Variants in SLC15A4 observed in about 807,000 individuals in gnomAD.
The protein encoded by SLC15A4 is hPHT1.
A neutral mutation model predicts 46.1 loss-of-function variants in SLC15A4; 26 were observed. The ratio of observed to expected loss-of-function variants is 0.56; its 90% CI spans 0.41 to 0.78. The LOEUF (loss-of-function observed/expected upper bound fraction) is 0.78. Ranked by LOEUF, SLC15A4 falls within the 30% of genes least tolerant of loss-of-function variation. The pLI, the probability that SLC15A4 is intolerant of heterozygous loss-of-function variation, is 0.00. For missense variants in SLC15A4, 751 were observed against 755.7 expected, an observed-to-expected ratio of 0.99 and a Z score of 0.07; for synonymous variants, 370 against 333.4, an observed-to-expected ratio of 1.11 and a Z score of -1.20.
At chr12:128,801,162 C>A in intron 5 of SLC15A4, 153 bp from the exon 6 acceptor site, 1 of 674,116 alleles carries the variant, frequency 1.5e-6, no homozygotes, top group Admixed American at 3.4e-5. Context: ...GACTAATAGG[C>A]CCCCAGCCTT....
At chr12:128,814,735 A>C (rs1019930753) in intron 2 of SLC15A4, 40 bp downstream of exon 2, 2 of 1,596,762 alleles carry the variant, frequency 1.3e-6, no homozygotes, top group East Asian at 2.2e-5. Context: ...AGATCGATAA[A>C]GTCCTTTCAA....
rs191442062 is a variant in SLC15A4 at position 128,804,857 on chromosome 12, T to G, written c.1259-3848A>C. Among the ~76,000 whole-genome samples, 4 of 152,336 alleles carry G rather than the reference T, an allele frequency of 2.6e-5. No homozygotes were observed. The East Asian group carries it at 7.7e-4, about 29-fold the overall frequency. ...TTATTGTCCCCTTAAAATATTCTCC[T>G]GCCTACAGAGAAAAAGAGAGTACAC... is the stretch of plus-strand genomic sequence containing the variant. On this transcript the variant is annotated intron_variant, in intron 5 of 7. Coordinates refer to ENST00000266771, the MANE Select transcript of SLC15A4 (RefSeq NM_145648.4).
intron 1 of SLC15A4, among the ~76,000 whole-genome samples, chr12:128,822,317 C>A (rs1020012253): frequency 1.3e-5 from 2 of 152,186 alleles, no homozygotes; most frequent in Non-Finnish European, 2.9e-5. Flanking sequence ...CAACCTAGCC[C>A]GTAACTCCTT....
At chr12:128,798,525 T>C (rs1955475260) in intron 7 of SLC15A4, among the ~76,000 whole-genome samples, 1 of 152,224 alleles carries the variant, frequency 6.6e-6, no homozygotes, top group South Asian at 2.1e-4. Context: ...AGGGGATTTG[T>C]AACCTAAAAG....
At position 128,823,504 on chromosome 12, in the gene SLC15A4, T is replaced by G. The variant is rs1003148483; in HGVS notation, c.440A>C (p.Asp147Ala). 2.3e-5 allele frequency: 34 copies of G among 1,484,344 alleles called. No homozygotes were observed. Among genetic ancestry groups the G allele is most frequent in the African/African-American group, 1.0e-4 (7 of 68,246 alleles). The allele number at this position is 1,484,344 out of a possible 1,614,324, so 91.9% of individuals were successfully genotyped here. A position where few individuals can be genotyped will look rare whatever the true frequency, so the allele number is the denominator to read the frequency against. ...CGGTGAGCAGCAGCGGGCGGCGGCG[T>G]CGGGACCAGGCGCCGTGCAGTTGAG... is the stretch of plus-strand genomic sequence containing the variant. ...RLLNCTAPGP[D>A]AAARCCSPAT... Residue 147 changes from aspartate (D) to alanine (A), a missense_variant, in exon 1 of 8, where the codon GAC (aspartate) becomes GCC (alanine). By Grantham distance (126) the Asp-to-Ala change is moderately radical. Coordinates refer to ENST00000266771, the MANE Select transcript of SLC15A4 (RefSeq NM_145648.4).
In SLC15A4 at chr12:128,800,415, C is replaced by T. The variant is rs150783505; in HGVS notation, c.1414+439G>A. Among the ~76,000 whole-genome samples, 358 of 152,296 alleles carry T rather than the reference C, an allele frequency of 2.4e-3. 2 individuals are homozygous for T. The highest frequency in any genetic ancestry group is 8.1e-3 in the African/African-American group (335 of 41,558). On this transcript the variant is annotated intron_variant, in intron 6 of 7. Coordinates refer to ENST00000266771, the MANE Select transcript of SLC15A4 (RefSeq NM_145648.4). Reference sequence around the variant, plus strand: ...ATCTGCCCAGAATACACTTGTTCAACCACTGCAGGATCTCACTAATAGGAA... The same window carrying T: ...ATCTGCCCAGAATACACTTGTTCAATCACTGCAGGATCTCACTAATAGGAA...
At chr12:128,802,289 A>C (rs1347599166) in intron 5 of SLC15A4, among the ~76,000 whole-genome samples, 1 of 152,208 alleles carries the variant, frequency 6.6e-6, no homozygotes, top group Non-Finnish European at 1.5e-5. Flanking sequence ...TCCTCCCGAC[A>C]GGGCAGCTGA....
At position 128,794,332 on chromosome 12, in the gene SLC15A4, T is replaced by C. The variant is rs751098412; in HGVS notation, c.1598A>G (p.Asn533Ser). The change falls in exon 8 of 8, where the codon AAC becomes AGC. Residue 533 changes from asparagine to serine, a missense_variant. Transcript: ENST00000266771. Reference protein sequence around the residue: ...DFGNINGCYLNYYFFLLAAIQ... With the variant: ...DFGNINGCYLSYYFFLLAAIQ... ...AGCAGCCAGAAGAAAAAAGTAATAG[T>C]TCAAATAGCAGCCGTTAATATTACC... 6.2e-7 allele frequency: 1 copy of C among 1,612,934 alleles called. No homozygotes were observed. The highest frequency in any genetic ancestry group is 1.3e-5 in the African/African-American group (1 of 74,854).
chr12:128,822,312 T>C (rs988545755), intron 1 of SLC15A4, among the ~76,000 whole-genome samples: 2 of 152,214 alleles, frequency 1.3e-5, no homozygotes, highest in Non-Finnish European at 2.9e-5. Context: ...CGACCCAACC[T>C]AGCCCGTAAC....
At chr12:128,803,986 C>T (rs1316359964) in intron 5 of SLC15A4, among the ~76,000 whole-genome samples, 1 of 152,210 alleles carries the variant, frequency 6.6e-6, no homozygotes, top group Non-Finnish European at 1.5e-5. Context: ...TATTCTTGGA[C>T]CATGCACTCA....
chr12:128,793,454 A>G lies in SLC15A4; in HGVS notation c.*742T>C, dbSNP rs941161879. On this transcript the variant is annotated 3_prime_UTR_variant, in exon 8 of 8. Coordinates refer to ENST00000266771, the MANE Select transcript of SLC15A4 (RefSeq NM_145648.4). ...CAATCGTACCAAAATAAAGCTATAT[A>G]TAAGCACTCTGACTAGGTAAGGTGT... 1 of 152,234 alleles carries G rather than the reference A, an allele frequency of 6.6e-6. No homozygotes were observed. Among genetic ancestry groups the G allele is most frequent in the African/African-American group, 2.4e-5 (1 of 41,468 alleles). The allele number at this position is 152,234 out of a possible 1,614,324, so 9.4% of individuals were successfully genotyped here. A position where few individuals can be genotyped will look rare whatever the true frequency, so the allele number is the denominator to read the frequency against.
At chr12:128,819,221 T>G (rs1305641314) in intron 1 of SLC15A4, among the ~76,000 whole-genome samples, 1 of 152,014 alleles carries the variant, frequency 6.6e-6, no homozygotes, top group South Asian at 2.1e-4. Flanking sequence ...CTGGCCAACA[T>G]GGTGAAACCC....
chr12:128,795,271 C>T (rs139454897), intron 7 of SLC15A4, among the ~76,000 whole-genome samples: 16 of 152,228 alleles, frequency 1.1e-4, no homozygotes, highest in African/African-American at 3.6e-4. Flanking sequence ...TAAACATGTT[C>T]AGGTTTTAGC....
At chr12:128,814,485 C>T (rs1593014092) in intron 2 of SLC15A4, 1 of 362,418 alleles carries the variant, frequency 2.8e-6, no homozygotes, top group East Asian at 4.5e-5. Context: ...AAATTTCTAC[C>T]TTTATAATCT....
intron 5 of SLC15A4, among the ~76,000 whole-genome samples, chr12:128,806,351 T>C (rs1358738098): frequency 1.3e-5 from 2 of 151,964 alleles, no homozygotes; most frequent in African/African-American, 4.8e-5. Context: ...AAAACAATAA[T>C]ATACCATTTT....
chr12:128,823,030 G>T (rs751049906), intron 1 of SLC15A4, among the ~76,000 whole-genome samples: 16 of 151,252 alleles, frequency 1.1e-4, no homozygotes, highest in Non-Finnish European at 2.2e-4. Context: ...TAGAGATGAG[G>T]TCTCACTGTG....
chr12:128,795,694 C>A (rs968969342), intron 7 of SLC15A4, among the ~76,000 whole-genome samples: 9 of 152,258 alleles, frequency 5.9e-5, no homozygotes, highest in Non-Finnish European at 1.5e-5. Flanking sequence ...CGGCTAACAT[C>A]ACCACTCAAT....
At chr12:128,808,099 TGAAG>T (rs887405724) in intron 5 of SLC15A4, among the ~76,000 whole-genome samples, 2 of 152,224 alleles carry the variant, frequency 1.3e-5, no homozygotes, top group African/African-American at 4.8e-5. Flanking sequence ...CAAATATTAA[TGAAG>T]GGAGAACTCC....
intron 1 of SLC15A4, among the ~76,000 whole-genome samples, chr12:128,823,050 C>G (rs1441259528): frequency 2.0e-5 from 3 of 152,006 alleles, no homozygotes; most frequent in Non-Finnish European, 2.9e-5. Flanking sequence ...GTTGCCCAAC[C>G]TGGTCTCAAA....
Sources: gnomAD v4.1 joint callset for allele counts (sites outside exome capture counted in the v4.1 genomes callset) on GRCh38, gnomAD v4.1.1 for gene constraint, MANE v1.5 for transcripts, NCBI Gene and HGNC (gene_info 2026-07-23, HGNC 2026-07-21) for gene names.